DNAH10: variants seen among roughly 807,000 people sequenced by gnomAD.
The protein encoded by DNAH10 is dynein axonemal heavy chain 10.
DNAH10 carries 348 observed loss-of-function variants against 506.6 expected under a neutral mutation model. That is an observed-to-expected ratio of 0.69 (90% CI 0.63 to 0.75). The LOEUF (loss-of-function observed/expected upper bound fraction) is 0.75, where lower values mean the gene tolerates loss of function less well. Among genes scored for constraint, DNAH10 ranks in the 30% least tolerant of loss-of-function variants. The pLI is 0.00. For synonymous variants in DNAH10, 2,059 were observed against 2,198.6 expected, an observed-to-expected ratio of 0.94 and a Z score of 1.78; for missense variants, 5,179 against 5,787.1, an observed-to-expected ratio of 0.89 and a Z score of 3.41.
At chr12:123,854,713 T>C (rs879708563) in intron 36 of DNAH10, among the ~76,000 whole-genome samples, 3 of 152,256 alleles carry the variant, frequency 2.0e-5, no homozygotes, top group Non-Finnish European at 4.4e-5. Flanking sequence ...AAATTAACTT[T>C]GCTGTATTGT....
Position 123,913,088 on chromosome 12 carries a change from C to T in DNAH10, c.10135-10C>T, listed in dbSNP as rs1197692569. ...TTTTCCCCATCTTTTTGCAAATTGT[C>T]TTCACTTAGGTGGCCAGGCTGGAGC... is the stretch of plus-strand genomic sequence containing the variant. On this transcript the variant is annotated splice_polypyrimidine_tract_variant and intron_variant, in intron 59 of 78. Coordinates refer to ENST00000673944, the MANE Select transcript of DNAH10 (RefSeq NM_001372106.1). This position sits in a 1 kb window ranked among gnomAD's most constrained non-coding sequence, Gnocchi z 5.1. 1.2e-6 allele frequency: 2 copies of T among 1,600,434 alleles called. No individual in the cohort carries two copies. The highest frequency in any genetic ancestry group is 1.7e-5 in the Admixed American group (1 of 58,060).
chr12:123,845,696 A>G lies in DNAH10; in HGVS notation c.5457A>G (p.Gln1819=), dbSNP rs1950922478. The G allele has an allele frequency of 1.9e-6, 3 of 1,613,906 alleles. No homozygotes were observed. Among genetic ancestry groups the G allele is most frequent in the African/African-American group, 1.3e-5 (1 of 75,010 alleles). The change falls in exon 31 of 79, where the codon CAA becomes CAG. Residue 1819 remains glutamine, a synonymous_variant. Transcript: ENST00000673944. The part of the protein sequence containing the change: ...WEVEDVFHKA[Q]KGEKQAMKNY... ...TGGAAGACGTCTTCCACAAAGCGCA[A>G]AAAGGGGAGAAGCAGGCCATGAAGA...
At position 123,875,239 on chromosome 12, in the gene DNAH10, A is replaced by G; in HGVS notation, c.7947A>G (p.Glu2649=). 6.2e-7 allele frequency: 1 copy of G among 1,609,588 alleles called. No homozygotes were observed. The highest frequency in any genetic ancestry group is 8.5e-7 in the Non-Finnish European group (1 of 1,177,606). Residue 2649 remains glutamate, a synonymous_variant, in exon 47 of 79, where the codon GAA becomes GAG. Transcript: ENST00000673944. ...TTTTAAAAAAAATCAAGGTGGATGA[A>G]TATGGCACGCAGCAGCCCATTGCCT... is the stretch of plus-strand genomic sequence containing the variant. ...MDDMNMPRVD[E]YGTQQPIALL...
At chr12:123,801,171 A>G (rs1958468116) in intron 15 of DNAH10, 110 bp from the exon 16 acceptor site, 1 of 1,154,248 alleles carries the variant, frequency 8.7e-7, no homozygotes, top group African/African-American at 1.5e-5. Context: ...TCTCTTGATC[A>G]AGGTTGGTCT....
In DNAH10 at chr12:123,931,335, T is replaced by A; in HGVS notation, c.12785-6T>A. 1 of 1,613,348 alleles carries A rather than the reference T, an allele frequency of 6.2e-7. No homozygotes were observed. On this transcript the variant is annotated splice_polypyrimidine_tract_variant and splice_region_variant and intron_variant, in intron 73 of 78. Transcript: ENST00000673944. Reference sequence around the variant, plus strand: ...GTGCCACCTCCGTTGTTCTCTGTGATTGCAGAAGCCATCGAGGCCCTCCCG... The same window carrying A: ...GTGCCACCTCCGTTGTTCTCTGTGAATGCAGAAGCCATCGAGGCCCTCCCG...
At chr12:123,935,147 G>T (rs1430915822) in intron 78 of DNAH10, among the ~76,000 whole-genome samples, 188 bp from the exon 79 acceptor site, 1 of 152,222 alleles carries the variant, frequency 6.6e-6, no homozygotes, top group Admixed American at 6.5e-5. Flanking sequence ...TTTAACCAGG[G>T]TGTCAGTGTG....
At chr12:123,896,146 CACAGAGAGAGAG>C (rs1254075350) in intron 54 of DNAH10, among the ~76,000 whole-genome samples, 14 of 102,472 alleles carry the variant, frequency 1.4e-4, no homozygotes, top group African/African-American at 7.1e-4. Context: ...CACACACACA[CACAGAGAGAGAG>C]AGAGAGAGAG....
rs1188725637 is a variant in DNAH10, at chr12:123,928,869, C to CA, written c.12306+283dup. 3.8e-5 allele frequency: 9 copies of CA among 239,052 alleles called. No individual in the cohort carries two copies. Among genetic ancestry groups the CA allele is most frequent in the African/African-American group, 8.1e-5 (1 of 12,316 alleles). The allele number at this position is 239,052 out of a possible 1,614,324, so 14.8% of individuals were successfully genotyped here. On this transcript the variant is annotated intron_variant, in intron 70 of 78. Coordinates refer to ENST00000673944, the MANE Select transcript of DNAH10 (RefSeq NM_001372106.1). This position sits in a 1 kb window ranked among gnomAD's most constrained non-coding sequence, Gnocchi z 4.9. Reference sequence around the variant, plus strand: ...ATAAACTTCACGGCCCCCCCCCCCACACACAGCCTGCAGTTCGCTAGTGCT... The same window carrying CA: ...ATAAACTTCACGGCCCCCCCCCCCACAACACAGCCTGCAGTTCGCTAGTGCT...
At chr12:123,934,331 C>T (rs1430075010) in intron 77 of DNAH10, 12 of 677,702 alleles carry the variant, frequency 1.8e-5, no homozygotes, top group Middle Eastern at 2.3e-4. Flanking sequence ...GGTCTAAGTC[C>T]GTGGGCCTTG....
chr12:123,893,681 G>A (rs1055763234), intron 53 of DNAH10, among the ~76,000 whole-genome samples: 1 of 152,232 alleles, frequency 6.6e-6, no homozygotes, highest in Non-Finnish European at 1.5e-5. Flanking sequence ...GCAGTGCATG[G>A]ACGGTGGCTC....
chr12:123,814,851 T>C (rs1959088613), intron 21 of DNAH10, among the ~76,000 whole-genome samples: 1 of 152,110 alleles, frequency 6.6e-6, no homozygotes, highest in African/African-American at 2.4e-5. Context: ...TCTCCTGACC[T>C]TGTGATCCAC....
At chr12:123,934,910 TA>T in intron 78 of DNAH10, 144 bp downstream of exon 78, 1 of 1,133,234 alleles carries the variant, frequency 8.8e-7, no homozygotes. Flanking sequence ...GGAGCCGTGA[TA>T]AAAGCTACGG....
At chr12:123,923,706 T>G in intron 65 of DNAH10, 57 bp from the exon 66 acceptor site, 1 of 1,282,274 alleles carries the variant, frequency 7.8e-7, no homozygotes, top group African/African-American at 1.5e-5. Context: ...CATAAGAAAC[T>G]CAGTTTTTTA....
Position 123,913,128 on chromosome 12 carries a change from A to T in DNAH10, c.10165A>T (p.Thr3389Ser). 2 of 1,611,500 alleles carry T rather than the reference A, an allele frequency of 1.2e-6. No individual in the cohort carries two copies. Among genetic ancestry groups the T allele is most frequent in the Non-Finnish European group, 1.7e-6 (2 of 1,179,260 alleles). ...VARLERNFYL[T>S]KRELERIQNE... ...CAGGCTGGAGCGGAATTTTTACCTC[A>T]CTAAACGGGAACTGGAAAGGATCCA... The change falls in exon 60 of 79, where the codon ACT becomes TCT. Residue 3389 changes from threonine (T) to serine (S), a missense_variant. Physicochemically the swap from Thr to Ser is moderately conservative, Grantham distance 58. Around this residue, in one of 3 missense-constraint regions of DNAH10, gnomAD observed 4,844 missense variants for 5,430.5 expected, o/e 0.89. Transcript: ENST00000673944. This position sits in a 1 kb window ranked among gnomAD's most constrained non-coding sequence, Gnocchi z 5.1.
intron 60 of DNAH10, 79 bp from the exon 61 acceptor site, chr12:123,914,250 A>G: frequency 3.0e-6 from 4 of 1,341,834 alleles, no homozygotes; most frequent in Non-Finnish European, 4.1e-6. Context: ...CAAGGTATCA[A>G]GCTGGTTCTT....
intron 65 of DNAH10, chr12:123,923,481 G>C: frequency 3.9e-6 from 1 of 255,784 alleles, no homozygotes; most frequent in Non-Finnish European, 7.3e-6. Flanking sequence ...GCCCCTCACT[G>C]GCTTTTCCTC....
chr12:123,861,456 A>G (rs1951609295), intron 39 of DNAH10, among the ~76,000 whole-genome samples: 1 of 152,274 alleles, frequency 6.6e-6, no homozygotes, highest in Admixed American at 6.5e-5. Context: ...GCCCAAGGCC[A>G]GGGATTTGGC....
intron 77 of DNAH10, among the ~76,000 whole-genome samples, chr12:123,933,723 G>A (rs575608087): frequency 1.7e-3 from 252 of 152,302 alleles, no homozygotes; most frequent in African/African-American, 5.7e-3. Flanking sequence ...CACTTTCTCC[G>A]TTGAGACCTG....
At chr12:123,898,904 A>G in intron 56 of DNAH10, 90 bp downstream of exon 56, 2 of 1,465,494 alleles carry the variant, frequency 1.4e-6, no homozygotes. Flanking sequence ...GCCCATCCCG[A>G]GCAGGACAGG....
Sources: gnomAD v4.1 joint callset for allele counts (sites outside exome capture counted in the v4.1 genomes callset) on GRCh38, gnomAD v4.1.1 for gene constraint, gnomAD v4.1.1 regional missense constraint, Gnocchi (gnomAD v3.1) non-coding constraint, MANE v1.5 for transcripts, NCBI Gene and HGNC (gene_info 2026-07-23, HGNC 2026-07-21) for gene names.